Variants in ME1 observed in about 807,000 individuals in gnomAD.
ME1 encodes the protein NADP-dependent malic enzyme.
Under a neutral mutation model 66.4 loss-of-function variants are expected in ME1, and 74 were observed. That is an observed-to-expected ratio of 1.11 (90% CI 0.92 to 1.35). The LOEUF (loss-of-function observed/expected upper bound fraction) is 1.35, where lower values mean the gene tolerates loss of function less well. Ranked by LOEUF, ME1 falls within the 40% of genes most tolerant of loss-of-function variation. The probability of loss-of-function intolerance (pLI) is 0.00; values close to 1 mark genes in which losing one functional copy is unlikely to be tolerated. For synonymous variants in ME1, 251 were observed against 235.6 expected (o/e 1.07, Z -0.60); for missense variants, 750 against 694.1 (o/e 1.08, Z -0.90).
At chr6:83,312,380 G>A (rs183933550) in intron 6 of ME1, among the ~76,000 whole-genome samples, 15 of 152,298 alleles carry the variant, frequency 9.8e-5, no homozygotes, top group Non-Finnish European at 2.2e-4. Flanking sequence ...TCAGACCCTA[G>A]ATGTGTAATC....
intron 5 of ME1, among the ~76,000 whole-genome samples, chr6:83,322,748 G>T (rs1352323212): frequency 6.6e-6 from 1 of 152,186 alleles, no homozygotes; most frequent in Non-Finnish European, 1.5e-5. Context: ...TATTATCCAA[G>T]AGAACTTCCC....
At position 83,228,890 on chromosome 6, in the gene ME1, A is replaced by G. The variant is rs1183065132; in HGVS notation, c.1068T>C (p.His356=). ...CTAGGTTCTTCATTTCTTCATGTTC[A>G]TGGGCAAACTTCTCTTTCTCTTGTG... ...SLTQEKEKFA[H]EHEEMKNLEA... The change falls in exon 10 of 14, where the codon CAT becomes CAC. Residue 356 remains histidine (H), a synonymous_variant. Transcript: ENST00000369705. The G allele has an allele frequency of 1.2e-6, 2 of 1,613,332 alleles. No individual in the cohort carries two copies. Among genetic ancestry groups the G allele is most frequent in the South Asian group, 2.2e-5 (2 of 90,824 alleles).
At chr6:83,293,502 G>A (rs903944138) in intron 6 of ME1, among the ~76,000 whole-genome samples, 1 of 152,066 alleles carries the variant, frequency 6.6e-6, no homozygotes, top group Admixed American at 6.6e-5. Flanking sequence ...TTGCATATGT[G>A]TGAAATAATA....
chr6:83,394,487 T>C (rs567136429), intron 3 of ME1, among the ~76,000 whole-genome samples: 2 of 152,302 alleles, frequency 1.3e-5, no homozygotes, highest in East Asian at 3.9e-4. Context: ...TATAGTTACT[T>C]ATCTAATTAT....
intron 6 of ME1, among the ~76,000 whole-genome samples, chr6:83,302,149 T>C (rs1223510783): frequency 6.6e-6 from 1 of 152,182 alleles, no homozygotes; most frequent in Non-Finnish European, 1.5e-5. Context: ...ATGTCCTTTG[T>C]AGGAACTTGG....
At chr6:83,314,202 A>C (rs1767982960) in intron 6 of ME1, among the ~76,000 whole-genome samples, 1 of 152,156 alleles carries the variant, frequency 6.6e-6, no homozygotes, top group Admixed American at 6.5e-5. Context: ...AAATGGAAAA[A>C]TTTACAATAG....
intron 6 of ME1, among the ~76,000 whole-genome samples, chr6:83,273,618 A>G (rs1229513202): frequency 6.6e-6 from 1 of 152,174 alleles, no homozygotes; most frequent in African/African-American, 2.4e-5. Context: ...AAAGAGGTTG[A>G]TTTTCCTTTA....
intron 5 of ME1, among the ~76,000 whole-genome samples, chr6:83,342,745 T>A (rs1477990702): frequency 6.6e-6 from 1 of 152,156 alleles, no homozygotes; most frequent in East Asian, 1.9e-4. Context: ...TGGAGTGCAA[T>A]GTTGTGATCT....
chr6:83,233,082 T>C (rs893202649), intron 9 of ME1, among the ~76,000 whole-genome samples: 5 of 152,140 alleles, frequency 3.3e-5, no homozygotes, highest in African/African-American at 1.2e-4. Flanking sequence ...GAAAATATAA[T>C]ATTTATTTAA....
chr6:83,356,122 A>G (rs894974959), intron 3 of ME1, among the ~76,000 whole-genome samples: 2 of 152,122 alleles, frequency 1.3e-5, no homozygotes, highest in Non-Finnish European at 2.9e-5. Context: ...GATAAAATTC[A>G]CCTTTTTATA....
intron 1 of ME1, among the ~76,000 whole-genome samples, chr6:83,427,964 A>T (rs1770403811): frequency 6.6e-6 from 1 of 151,884 alleles, no homozygotes; most frequent in South Asian, 2.1e-4. Flanking sequence ...GTGAACCTAG[A>T]TCACACCACT....
At position 83,211,562 on chromosome 6, in the gene ME1, T is replaced by G. The variant is rs1214518484; in HGVS notation, c.*362A>C. The stretch of plus-strand genomic sequence containing the variant: ...TGAAAAGTAGATTTTAACAAAATGG[T>G]CAACAAAATAATTATGAGTTTTAAT... On this transcript the variant is annotated 3_prime_UTR_variant, in exon 14 of 14. Coordinates refer to ENST00000369705, the MANE Select transcript of ME1 (RefSeq NM_002395.6). 6.4e-6 allele frequency: 1 copy of G among 155,234 alleles called. No homozygotes were observed. Among genetic ancestry groups the G allele is most frequent in the Non-Finnish European group, 1.4e-5 (1 of 70,442 alleles). 9.6% of individuals were successfully genotyped at this position (155,234 alleles called of 1,614,324 possible). A position where few individuals can be genotyped will look rare whatever the true frequency, so the allele number is the denominator to read the frequency against.
intron 9 of ME1, among the ~76,000 whole-genome samples, chr6:83,231,129 C>T (rs949310149): frequency 6.6e-6 from 1 of 151,556 alleles, no homozygotes; most frequent in Non-Finnish European, 1.5e-5. Context: ...GGCTGTCAAG[C>T]TGAGATATAA....
chr6:83,417,437 G>C (rs1305805776), intron 1 of ME1, among the ~76,000 whole-genome samples: 2 of 152,080 alleles, frequency 1.3e-5, no homozygotes, highest in Non-Finnish European at 2.9e-5. Context: ...CTAGAGTGAA[G>C]TGGCGTGATC....
chr6:83,304,616 G>A (rs890984049), intron 6 of ME1, among the ~76,000 whole-genome samples: 1 of 152,180 alleles, frequency 6.6e-6, no homozygotes, highest in African/African-American at 2.4e-5. Flanking sequence ...GTCACCATCT[G>A]TGGATACCAC....
At position 83,244,401 on chromosome 6, in the gene ME1, A is replaced by T. The variant is rs539136206; in HGVS notation, c.815-4765T>A. On this transcript the variant is annotated intron_variant, in intron 7 of 13. Coordinates refer to ENST00000369705, the MANE Select transcript of ME1 (RefSeq NM_002395.6). ...ACACCTTACTAGAATGCAAAGTGAT[A>T]TGAGGCTAGAGAAGTTTTGGGGTCA... 2.0e-5 allele frequency among the ~76,000 whole-genome samples: 3 copies of T among 152,184 alleles called. No homozygotes were observed. The South Asian group carries it at 6.2e-4, about 31-fold the overall frequency.
chr6:83,298,341 G>T (rs546000894), intron 6 of ME1, among the ~76,000 whole-genome samples: 12 of 152,000 alleles, frequency 7.9e-5, no homozygotes, highest in East Asian at 5.8e-4. Flanking sequence ...TCATATGTTT[G>T]TTGGCCACAT....
At chr6:83,370,797 G>T (rs763480731) in intron 3 of ME1, among the ~76,000 whole-genome samples, 3 of 152,092 alleles carry the variant, frequency 2.0e-5, no homozygotes, top group South Asian at 2.1e-4. Flanking sequence ...GGGAATGACA[G>T]TTATATCCAG....
intron 6 of ME1, among the ~76,000 whole-genome samples, chr6:83,302,473 A>G (rs1244470694): frequency 2.6e-5 from 4 of 152,218 alleles, no homozygotes; most frequent in Admixed American, 2.6e-4. Flanking sequence ...TATTAAAAAG[A>G]AGTATCACAG....
Sources: allele counts gnomAD v4.1 joint callset (sites outside exome capture counted in the v4.1 genomes callset), GRCh38; gene constraint gnomAD v4.1.1; transcripts MANE v1.5; gene names NCBI Gene and HGNC (gene_info 2026-07-23, HGNC 2026-07-21).